The following PAQR3 variants were observed in gnomAD, a reference collection of about 807,000 sequenced individuals.
PAQR3 encodes the protein Raf kinase trapping to Golgi.
A neutral mutation model predicts 41.7 loss-of-function variants in PAQR3; 39 were observed. The observed-to-expected ratio is 0.93, with a 90% confidence interval of 0.72 to 1.22. PAQR3 has a LOEUF of 1.22. Among genes scored for constraint, PAQR3 ranks in the 50% most tolerant of loss-of-function variants. PAQR3 has a pLI of 0.00. For missense variants in PAQR3, 366 were observed against 385.6 expected (o/e 0.95, Z 0.42); for synonymous variants, 140 against 140.6 (o/e 1.00, Z 0.03).
At chr4:78,901,381 T>A in intron 11 of PAQR3, among the ~76,000 whole-genome samples, 1 of 152,108 alleles carries the variant, frequency 6.6e-6, no homozygotes, top group South Asian at 2.1e-4. Flanking sequence ...GTAAAATTTA[T>A]CTTAAATTGG....
rs772850198 is a variant in PAQR3, at chr4:78,912,026, A to C, written c.*8513T>G. ...TTTGGTGCTGCTCCATTTCCTTCTAAACAGTAGATACTTCTGATGGATTCT... is the reference window on the plus strand; with the variant it reads ...TTTGGTGCTGCTCCATTTCCTTCTACACAGTAGATACTTCTGATGGATTCT... On this transcript the variant is annotated 3_prime_UTR_variant, in exon 6 of 6. Transcript: ENST00000512733. 1.1e-5 allele frequency: 17 copies of C among 1,603,866 alleles called. No individual in the cohort carries two copies. The African/African-American group carries it at 1.3e-4, about 13-fold the overall frequency.
rs1164286195 is a variant in PAQR3 at position 78,922,027 on chromosome 4, G to A, written c.794-1346C>T. On this transcript the variant is annotated intron_variant, in intron 5 of 5. Transcript: ENST00000512733. ...TATTTTAAGGCCTAAAACCCACTAT[G>A]GTCATAATCACATAGAGAATTTTCA... The A allele has an allele frequency of 9.9e-6, 10 of 1,014,418 alleles. No individual in the cohort carries two copies. In the South Asian group the frequency reaches 3.2e-4, roughly 33 times the overall value. The allele number at this position is 1,014,418 out of a possible 1,614,324, so 62.8% of individuals were successfully genotyped here.
chr4:78,892,323 TAAAG>T lies in PAQR3; in HGVS notation c.*837-4179_*837-4176del, dbSNP rs950635700. ...TTGTAAATTTTGAAATTTATATTTTTAAAGAAATTTGTACATTTCACTTGAGATA... is the reference window on the plus strand; with the variant it reads ...TTGTAAATTTTGAAATTTATATTTTTAAATTTGTACATTTCACTTGAGATA... On this transcript the variant is annotated intron_variant and NMD_transcript_variant, in intron 11 of 12. Transcript: ENST00000342820. Among the ~76,000 whole-genome samples the T allele has an allele frequency of 5.3e-5, 8 of 152,218 alleles. No homozygotes were observed. The South Asian group carries it at 6.2e-4, about 12-fold the overall frequency.
downstream of PAQR3, chr4:78,911,694 G>A (rs1488286276): frequency 1.2e-6 from 2 of 1,613,878 alleles, no homozygotes; most frequent in South Asian, 1.1e-5. Context: ...GTGTTGCACT[G>A]ACTGATGGGA....
At chr4:78,889,001 C>T (rs1329093374) in intron 11 of PAQR3, among the ~76,000 whole-genome samples, 1 of 152,094 alleles carries the variant, frequency 6.6e-6, no homozygotes, top group Non-Finnish European at 1.5e-5. Flanking sequence ...GCAGGCGGAT[C>T]ATGAGGTCAG....
chr4:78,923,740 A>G (rs912524945), intron 5 of PAQR3, 117 bp downstream of exon 5: 1 of 737,588 alleles, frequency 1.4e-6, no homozygotes, highest in Non-Finnish European at 2.3e-6. Flanking sequence ...AAAGAGAGGA[A>G]TCATTTCCAT....
chr4:78,917,705 G>C lies in PAQR3; in HGVS notation c.*2834C>G. 2.5e-5 allele frequency: 16 copies of C among 651,928 alleles called. No homozygotes were observed. The highest frequency in any genetic ancestry group is 3.0e-5 in the Non-Finnish European group (16 of 525,996). The allele number at this position is 651,928 out of a possible 1,614,324, so 40.4% of individuals were successfully genotyped here. ...CAAAGCAACCAGCAGGAATTCACAG[G>C]AATAGGCTTTGCCCCTTGACATTTA... is the stretch of plus-strand genomic sequence containing the variant. On this transcript the variant is annotated 3_prime_UTR_variant, in exon 6 of 6. Coordinates refer to ENST00000512733, the MANE Select transcript of PAQR3 (RefSeq NM_001040202.2).
chr4:78,896,941 A>T (rs940275633), intron 11 of PAQR3, among the ~76,000 whole-genome samples: 1 of 152,148 alleles, frequency 6.6e-6, no homozygotes, highest in Non-Finnish European at 1.5e-5. Flanking sequence ...ACACTGATTT[A>T]TGCTCCCACT....
chr4:78,934,122 T>C (rs1004983118), intron 2 of PAQR3, among the ~76,000 whole-genome samples: 4 of 152,108 alleles, frequency 2.6e-5, no homozygotes, highest in Non-Finnish European at 5.9e-5. Context: ...GAAGGAAAAA[T>C]AATTTTCTAA....
At chr4:78,887,314 C>T (rs1203813891) in intron 12 of PAQR3, 2 of 1,475,264 alleles carry the variant, frequency 1.4e-6, no homozygotes, top group South Asian at 1.2e-5. Flanking sequence ...TCATCACTGT[C>T]ACAAATAAAA....
chr4:78,920,363 G>T lies in PAQR3; in HGVS notation c.*176C>A. Reference sequence around the variant, plus strand: ...GCAAATTAGTAGTTTTAAGGATTTTGTAAAGCAGTTATTACTACAGATCCT... The same window carrying T: ...GCAAATTAGTAGTTTTAAGGATTTTTTAAAGCAGTTATTACTACAGATCCT... On this transcript the variant is annotated 3_prime_UTR_variant, in exon 6 of 6. Transcript: ENST00000512733. 1 of 1,232,452 alleles carries T rather than the reference G, an allele frequency of 8.1e-7. No homozygotes were observed. The highest frequency in any genetic ancestry group is 3.7e-5 in the South Asian group (1 of 26,690). 76.3% of individuals were successfully genotyped at this position (1,232,452 alleles called of 1,614,324 possible).
chr4:78,911,460 A>T, downstream of PAQR3: 1 of 1,614,072 alleles, frequency 6.2e-7, no homozygotes, highest in Non-Finnish European at 8.5e-7. Context: ...AAAAAGTCAA[A>T]CAGCGCAGCT....
Position 78,911,921 on chromosome 4 carries a change from C to A in PAQR3, c.*8618G>T, listed in dbSNP as rs1369989267. 5 of 1,613,832 alleles carry A rather than the reference C, an allele frequency of 3.1e-6. No individual in the cohort carries two copies. Among genetic ancestry groups the A allele is most frequent in the Non-Finnish European group, 4.2e-6 (5 of 1,179,884 alleles). On this transcript the variant is annotated 3_prime_UTR_variant, in exon 6 of 6. Transcript: ENST00000512733. ...GTATTGAAAATGGATGATTTTGGTGCCGTGCCCTTTACAGAACTTGTGGTG... is the reference window on the plus strand; with the variant it reads ...GTATTGAAAATGGATGATTTTGGTGACGTGCCCTTTACAGAACTTGTGGTG...
intron 5 of PAQR3, chr4:78,922,538 GA>G: frequency 1.1e-6 from 1 of 927,570 alleles, no homozygotes; most frequent in South Asian, 1.4e-5. Context: ...TGTTATTTCT[GA>G]CCCATGCCAA....
Position 78,918,606 on chromosome 4 carries a change from A to G in PAQR3, c.*1933T>C, listed in dbSNP as rs1735326600. ...TAAATTCAAAGAAACACGGATTTAA[A>G]AACACAGTATACTCTTTTCATGTTA... is the stretch of plus-strand genomic sequence containing the variant. On this transcript the variant is annotated 3_prime_UTR_variant, in exon 6 of 6. Coordinates refer to ENST00000512733, the MANE Select transcript of PAQR3 (RefSeq NM_001040202.2). 3 of 966,544 alleles carry G rather than the reference A, an allele frequency of 3.1e-6. No individual in the cohort carries two copies. Among genetic ancestry groups the G allele is most frequent in the Non-Finnish European group, 3.7e-6 (3 of 812,480 alleles). 59.9% of individuals were successfully genotyped at this position (966,544 alleles called of 1,614,324 possible).
chr4:78,901,118 A>C (rs1005153106), intron 11 of PAQR3, among the ~76,000 whole-genome samples: 1 of 152,116 alleles, frequency 6.6e-6, no homozygotes, highest in African/African-American at 2.4e-5. Context: ...TCATAGGCTT[A>C]CTACAGCCCG....
Position 78,926,733 on chromosome 4 carries a change from A to T in PAQR3, c.505-15T>A, listed in dbSNP as rs757177966. 1.2e-6 allele frequency: 2 copies of T among 1,606,784 alleles called. No individual in the cohort carries two copies. Among genetic ancestry groups the T allele is most frequent in the South Asian group, 2.2e-5 (2 of 90,786 alleles). ...TGACGCCAGTACTAGAATGAAAGGAAATCACATTTTAATTCTGTTATTAAC... is the reference window on the plus strand; with the variant it reads ...TGACGCCAGTACTAGAATGAAAGGATATCACATTTTAATTCTGTTATTAAC... On this transcript the variant is annotated splice_polypyrimidine_tract_variant and intron_variant, in intron 3 of 5. Transcript: ENST00000512733.
intron 11 of PAQR3, chr4:78,906,065 T>C (rs1734267833): frequency 6.6e-6 from 1 of 152,126 alleles, no homozygotes; most frequent in African/African-American, 2.4e-5. Flanking sequence ...AGTTTCATGA[T>C]GAATAGATGA....
intron 11 of PAQR3, among the ~76,000 whole-genome samples, chr4:78,900,613 T>A (rs571407241): frequency 6.6e-6 from 1 of 152,368 alleles, no homozygotes; most frequent in South Asian, 2.1e-4. Flanking sequence ...TGGCCTACCT[T>A]ACTTTGGCCA....
Sources: allele counts gnomAD v4.1 joint callset (sites outside exome capture counted in the v4.1 genomes callset), GRCh38; gene constraint gnomAD v4.1.1; transcripts MANE v1.5; gene names NCBI Gene and HGNC (gene_info 2026-07-23, HGNC 2026-07-21).